The following DLG2 variants were observed in gnomAD, a reference collection of about 807,000 sequenced individuals.
DLG2 encodes discs large MAGUK scaffold protein 2.
A neutral mutation model predicts 132.5 loss-of-function variants in DLG2; 45 were observed. The observed-to-expected ratio is 0.34, with a 90% CI of 0.27 to 0.44. DLG2 has a LOEUF of 0.44. Among genes scored for constraint, DLG2 ranks in the 20% least tolerant of loss-of-function variants. DLG2 has a pLI of 1.00. For missense variants in DLG2, 1,045 were observed against 1,196.9 expected (o/e 0.87, Z 1.87); for synonymous variants, 424 against 419.6 (o/e 1.01, Z -0.13).
At chr11:85,244,977 A>G (rs139851256) in intron 4 of DLG2, among the ~76,000 whole-genome samples, 73 of 152,078 alleles carry the variant, frequency 4.8e-4, no homozygotes, top group Admixed American at 8.5e-4. Context: ...ACTGGGCAAC[A>G]TGGAATCATA....
chr11:83,911,877 C>G (rs1030533418), intron 15 of DLG2, among the ~76,000 whole-genome samples: 2 of 151,364 alleles, frequency 1.3e-5, no homozygotes, highest in African/African-American at 4.9e-5. Context: ...TTTTTTTTGA[C>G]AGTGCAATTA....
chr11:84,904,016 A>T (rs1054668605), intron 6 of DLG2, among the ~76,000 whole-genome samples: 1 of 152,220 alleles, frequency 6.6e-6, no homozygotes, highest in African/African-American at 2.4e-5. Context: ...GTTCAACATT[A>T]TTGAGAACGT....
At chr11:85,218,234 A>C (rs148823597) in intron 4 of DLG2, among the ~76,000 whole-genome samples, 1 of 152,336 alleles carries the variant, frequency 6.6e-6, no homozygotes, top group Non-Finnish European at 1.5e-5. Context: ...GCACAGCAAA[A>C]TAAACTGTCA....
intron 6 of DLG2, among the ~76,000 whole-genome samples, chr11:84,828,649 T>C (rs541395091): frequency 6.6e-6 from 1 of 151,702 alleles, no homozygotes; most frequent in African/African-American, 2.4e-5. Context: ...TTGGTGAGAG[T>C]AGTGAGGAAA....
intron 3 of DLG2, among the ~76,000 whole-genome samples, chr11:85,404,888 C>A (rs561399067): frequency 6.6e-6 from 1 of 151,864 alleles, no homozygotes; most frequent in Admixed American, 6.6e-5. Flanking sequence ...GGAAAGTAAT[C>A]GTGTTTTATA....
At chr11:84,217,282 T>C (rs7925810) in intron 8 of DLG2, among the ~76,000 whole-genome samples, 6,135 of 152,246 alleles carry the variant, frequency 0.04, 382 homozygotes, top group African/African-American at 0.14. Context: ...TTCTCATGTG[T>C]TGTTGGAGTG....
At chr11:83,622,940 G>T (rs2061860721) in intron 19 of DLG2, among the ~76,000 whole-genome samples, 1 of 152,138 alleles carries the variant, frequency 6.6e-6, no homozygotes, top group South Asian at 2.1e-4. Context: ...TTGAAGTCAA[G>T]AATTAAATTT....
At chr11:83,833,814 T>A (rs747766263) in intron 16 of DLG2, 44 bp from the exon 17 acceptor site, 41 of 1,582,674 alleles carry the variant, frequency 2.6e-5, no homozygotes, top group Non-Finnish European at 3.1e-5. Context: ...GTGATCCATT[T>A]AAGATTTACG....
intron 6 of DLG2, among the ~76,000 whole-genome samples, chr11:84,722,572 G>C (rs2061953244): frequency 6.6e-6 from 1 of 152,092 alleles, no homozygotes; most frequent in Non-Finnish European, 1.5e-5. Flanking sequence ...TTATAAATAT[G>C]GATTATGAAG....
chr11:84,227,536 T>G (rs1489704370), intron 8 of DLG2, among the ~76,000 whole-genome samples: 1 of 152,234 alleles, frequency 6.6e-6, no homozygotes, highest in African/African-American at 2.4e-5. Flanking sequence ...AATCTTATAT[T>G]AAACTATAAT....
At chr11:84,074,673 C>T (rs1157462908) in intron 10 of DLG2, among the ~76,000 whole-genome samples, 1 of 151,774 alleles carries the variant, frequency 6.6e-6, no homozygotes, top group Non-Finnish European at 1.5e-5. Context: ...GGACTATAGG[C>T]GCCGGCCACC....
intron 7 of DLG2, among the ~76,000 whole-genome samples, chr11:84,351,295 CTTCATCTGTTT>C (rs2098568022): frequency 6.6e-6 from 1 of 152,006 alleles, no homozygotes; most frequent in African/African-American, 2.4e-5. Flanking sequence ...GCTCCCCTGA[CTTCATCTGTTT>C]TTCAGCCCAG....
At chr11:84,775,896 T>A (rs1257948621) in intron 6 of DLG2, among the ~76,000 whole-genome samples, 2 of 152,194 alleles carry the variant, frequency 1.3e-5, no homozygotes, top group Non-Finnish European at 2.9e-5. Flanking sequence ...AAATAAAAGT[T>A]AAAATTATTT....
At chr11:84,805,404 T>A (rs190375618) in intron 6 of DLG2, among the ~76,000 whole-genome samples, 7 of 152,128 alleles carry the variant, frequency 4.6e-5, no homozygotes, top group Admixed American at 4.6e-4. Context: ...AAATAGAGAA[T>A]CAATAAATGC....
chr11:84,444,023 T>A (rs1403381324), intron 7 of DLG2, among the ~76,000 whole-genome samples: 7 of 151,810 alleles, frequency 4.6e-5, no homozygotes, highest in Non-Finnish European at 4.4e-5. Context: ...TTTTTTTTTT[T>A]AATTTACAGT....
At chr11:83,691,763 G>T (rs17145930) in intron 18 of DLG2, among the ~76,000 whole-genome samples, 10,787 of 152,188 alleles carry the variant, frequency 0.071, 1,240 homozygotes, top group African/African-American at 0.24. Context: ...TTCTCCAAGG[G>T]TCTCGGCCAC....
intron 6 of DLG2, among the ~76,000 whole-genome samples, chr11:84,632,270 T>C (rs74998645): frequency 2.9e-4 from 44 of 152,004 alleles, no homozygotes; most frequent in South Asian, 1.0e-3. Flanking sequence ...TTTTTTTTTT[T>C]CCAAGACAGA....
At position 83,472,713 on chromosome 11, in the gene DLG2, G is replaced by A; in HGVS notation, c.2344+14C>T. Reference sequence around the variant, plus strand: ...GCCCAGAAATTAGGAATGAAAGCGTGCTGGGAAACTTACTTTCCTGCCTTG... The same window carrying A: ...GCCCAGAAATTAGGAATGAAAGCGTACTGGGAAACTTACTTTCCTGCCTTG... On this transcript the variant is annotated intron_variant, in intron 23 of 27. Transcript: ENST00000376104. The A allele has an allele frequency of 6.2e-7, 1 of 1,609,896 alleles. No homozygotes were observed. Among genetic ancestry groups the A allele is most frequent in the Non-Finnish European group, 8.5e-7 (1 of 1,177,572 alleles).
chr11:84,249,974 C>G (rs1159419602), intron 8 of DLG2, among the ~76,000 whole-genome samples: 1 of 152,186 alleles, frequency 6.6e-6, no homozygotes, highest in Non-Finnish European at 1.5e-5. Flanking sequence ...TTCTGACATT[C>G]TGCTCCCCTG....
Sources: gnomAD v4.1 joint callset for allele counts (sites outside exome capture counted in the v4.1 genomes callset) on GRCh38, gnomAD v4.1.1 for gene constraint, MANE v1.5 for transcripts, NCBI Gene and HGNC (gene_info 2026-07-23, HGNC 2026-07-21) for gene names.